Variants in RASSF8 observed in about 807,000 individuals in gnomAD.
The protein encoded by RASSF8 is ras association domain-containing protein 8.
RASSF8 carries 22 observed loss-of-function variants against 48.5 expected under a neutral mutation model. That is an observed-to-expected ratio of 0.45 (90% CI 0.32 to 0.65). RASSF8 has a LOEUF of 0.65. RASSF8 is among the 30% of genes least tolerant of loss of function. The pLI, the probability that RASSF8 is intolerant of heterozygous loss-of-function variation, is 0.03. For missense variants in RASSF8, 418 were observed against 489.2 expected (o/e 0.85, Z 1.37); for synonymous variants, 127 against 171.5 (o/e 0.74, Z 2.03).
intron 2 of RASSF8, among the ~76,000 whole-genome samples, chr12:26,035,075 G>C (rs17362614): frequency 0.099 from 15,121 of 151,996 alleles, 799 homozygotes; most frequent in Middle Eastern, 0.16. Flanking sequence ...CAATACTACT[G>C]GTAAAAATTA....
chr12:25,993,091 T>C (rs1293408341), intron 1 of RASSF8, among the ~76,000 whole-genome samples: 2 of 152,228 alleles, frequency 1.3e-5, no homozygotes, highest in Non-Finnish European at 2.9e-5. Flanking sequence ...TTTGTCAAGC[T>C]TGGCATTTCC....
intron 2 of RASSF8, among the ~76,000 whole-genome samples, chr12:26,034,145 C>T (rs559433905): frequency 5.3e-5 from 8 of 151,960 alleles, no homozygotes; most frequent in South Asian, 2.1e-4. Context: ...AGTTGAAGAA[C>T]GGGCTGGAGT....
exon 6 of RASSF8, chr12:26,079,228 G>T (rs1368629180): frequency 2.5e-5 from 13 of 514,076 alleles, no homozygotes; most frequent in Non-Finnish European, 3.7e-5. Flanking sequence ...TCTGGTAAGG[G>T]TTTAATATCC....
chr12:25,992,253 G>A (rs539563596), intron 1 of RASSF8, among the ~76,000 whole-genome samples: 42 of 152,310 alleles, frequency 2.8e-4, no homozygotes, highest in African/African-American at 9.6e-4. Flanking sequence ...TCAGTGCAAA[G>A]TGTCTCTGCC....
chr12:26,025,111 C>T (rs1466554996), intron 2 of RASSF8, among the ~76,000 whole-genome samples: 4 of 152,138 alleles, frequency 2.6e-5, no homozygotes, highest in African/African-American at 9.7e-5. Context: ...CTTTGTCAAC[C>T]TGATGAATGG....
intron 1 of RASSF8, among the ~76,000 whole-genome samples, chr12:25,964,201 T>A (rs955721391): frequency 3.3e-5 from 5 of 152,190 alleles, no homozygotes; most frequent in Non-Finnish European, 7.3e-5. Flanking sequence ...TTGAACAAGT[T>A]GCCTTGAGCT....
intron 2 of RASSF8, among the ~76,000 whole-genome samples, chr12:26,017,205 C>T (rs1942672286): frequency 1.3e-5 from 2 of 152,012 alleles, no homozygotes; most frequent in African/African-American, 4.8e-5. Flanking sequence ...CTAAGTTACA[C>T]AAAGAAGAAT....
At chr12:25,995,826 A>G (rs1942119460) in intron 2 of RASSF8, among the ~76,000 whole-genome samples, 1 of 152,186 alleles carries the variant, frequency 6.6e-6, no homozygotes. Context: ...CTTATGAATA[A>G]ATTCTTCACA....
intron 1 of RASSF8, among the ~76,000 whole-genome samples, chr12:25,977,671 C>CAA (rs111553798): frequency 0.08 from 11,279 of 140,266 alleles, 718 homozygotes; most frequent in East Asian, 0.26. Context: ...ATTTGTAAGG[C>CAA]AAAAAAAAAA....
chr12:25,966,240 G>A (rs1488841114), intron 1 of RASSF8, among the ~76,000 whole-genome samples: 1 of 151,948 alleles, frequency 6.6e-6, no homozygotes, highest in African/African-American at 2.4e-5. Flanking sequence ...TTTTATTGTG[G>A]GTTTTTAAAA....
intron 2 of RASSF8, among the ~76,000 whole-genome samples, chr12:26,031,759 A>G (rs951278439): frequency 6.6e-6 from 1 of 152,158 alleles, no homozygotes; most frequent in Admixed American, 6.5e-5. Context: ...TGAGAAAAAG[A>G]GGGTTAATAG....
intron 2 of RASSF8, among the ~76,000 whole-genome samples, chr12:26,012,514 A>T (rs1190837587): frequency 6.6e-6 from 1 of 152,184 alleles, no homozygotes; most frequent in Non-Finnish European, 1.5e-5. Context: ...CTCCTCATCC[A>T]GTCTCATACC....
At position 26,072,129 on chromosome 12, in the gene RASSF8, C is replaced by A; in HGVS notation, c.*3311C>A. On this transcript the variant is annotated 3_prime_UTR_variant, in exon 6 of 6. Coordinates refer to ENST00000689635, the MANE Select transcript of RASSF8 (RefSeq NM_001394098.1). The stretch of plus-strand genomic sequence containing the variant: ...TGTGCATTGCCTTTGATAAATTTGG[C>A]CTTAATTTATATAACGATGCTGTGT... The A allele has an allele frequency of 7.1e-6, 7 of 984,448 alleles. No individual in the cohort carries two copies. Among genetic ancestry groups the A allele is most frequent in the Non-Finnish European group, 7.2e-6 (6 of 829,074 alleles). The allele number at this position is 984,448 out of a possible 1,614,324, so 61.0% of individuals were successfully genotyped here.
chr12:26,034,435 T>G (rs80239558), intron 2 of RASSF8, among the ~76,000 whole-genome samples: 1,584 of 152,126 alleles, frequency 0.01, 27 homozygotes, highest in African/African-American at 0.03. Context: ...TCATGATGTT[T>G]TAAGAAAGAT....
intron 2 of RASSF8, among the ~76,000 whole-genome samples, chr12:26,008,417 T>C (rs546917118): frequency 6.6e-6 from 1 of 152,206 alleles, no homozygotes; most frequent in South Asian, 2.1e-4. Flanking sequence ...TTTTACTGTG[T>C]AAATTCTTTG....
chr12:25,974,549 A>G (rs1255877261), intron 1 of RASSF8, among the ~76,000 whole-genome samples: 1 of 150,868 alleles, frequency 6.6e-6, no homozygotes, highest in Non-Finnish European at 1.5e-5. Flanking sequence ...ACAGAGCAAT[A>G]CTCTAAGCCC....
chr12:26,013,811 G>T (rs1299350546), intron 2 of RASSF8, among the ~76,000 whole-genome samples: 1 of 152,008 alleles, frequency 6.6e-6, no homozygotes, highest in South Asian at 2.1e-4. Flanking sequence ...CTTTAATGTG[G>T]CTATTGTTGA....
chr12:26,009,435 G>A (rs1276446611), intron 2 of RASSF8, among the ~76,000 whole-genome samples: 1 of 152,180 alleles, frequency 6.6e-6, no homozygotes, highest in Non-Finnish European at 1.5e-5. Context: ...CTGGCATTTA[G>A]TGGATGGGTG....
intron 1 of RASSF8, among the ~76,000 whole-genome samples, chr12:25,965,363 CTTTTTT>C (rs11420016): frequency 6.8e-5 from 8 of 116,884 alleles, no homozygotes; most frequent in African/African-American, 1.9e-4. Context: ...TCCCAAATTT[CTTTTTT>C]TTTTTTTTTT....
Sources: gnomAD v4.1 joint callset for allele counts (sites outside exome capture counted in the v4.1 genomes callset) on GRCh38, gnomAD v4.1.1 for gene constraint, MANE v1.5 for transcripts, NCBI Gene and HGNC (gene_info 2026-07-23, HGNC 2026-07-21) for gene names.